The following BAZ2B variants were observed in gnomAD, a reference collection of about 807,000 sequenced individuals.
BAZ2B encodes the protein bromodomain adjacent to zinc finger domain protein 2B.
BAZ2B carries 91 observed loss-of-function variants against 246.0 expected under a neutral mutation model. The ratio of observed to expected loss-of-function variants is 0.37; its 90% confidence interval spans 0.31 to 0.44. BAZ2B has a LOEUF of 0.44. Ranked by LOEUF, BAZ2B falls within the 20% of genes least tolerant of loss-of-function variation. The pLI is 1.00. For synonymous variants in BAZ2B, 855 were observed against 860.0 expected, an observed-to-expected ratio of 0.99 and a Z score of 0.10; for missense variants, 2,332 against 2,533.7, an observed-to-expected ratio of 0.92 and a Z score of 1.71.
chr2:159,696,379 T>G, the BAZ2B span, among the ~76,000 whole-genome samples: 1 of 152,162 alleles, frequency 6.6e-6, no homozygotes, highest in African/African-American at 2.4e-5. Context: ...GGATCCTAAA[T>G]TTTTCCCTTC....
chr2:159,517,586 C>T (rs554907847), intron 2 of BAZ2B, among the ~76,000 whole-genome samples: 2 of 151,860 alleles, frequency 1.3e-5, no homozygotes, highest in Admixed American at 6.5e-5. Flanking sequence ...CTTAAGAGCC[C>T]GTTACAACAA....
At chr2:159,461,197 C>G (rs1379947410) in intron 3 of BAZ2B, 1 of 152,014 alleles carries the variant, frequency 6.6e-6, no homozygotes, top group Non-Finnish European at 1.5e-5. Context: ...TTTAAACTGA[C>G]CTTCCCTTAA....
rs1185468607 is a variant in BAZ2B at position 159,318,989 on chromosome 2, A to G, written c.*1276T>C. On this transcript the variant is annotated 3_prime_UTR_variant, in exon 37 of 37. Transcript: ENST00000392783. ...AGAAAAACTAAAAAATTAGTTTGTA[A>G]AAGTCTTTTATTGTATCCGTGCCAC... 2 of 152,646 alleles carry G rather than the reference A, an allele frequency of 1.3e-5. No individual in the cohort carries two copies. Among genetic ancestry groups the G allele is most frequent in the East Asian group, 3.8e-4 (2 of 5,202 alleles). 9.5% of individuals were successfully genotyped at this position (152,646 alleles called of 1,614,324 possible).
chr2:159,569,140 T>C lies in BAZ2B; in HGVS notation c.-45-13275A>G, dbSNP rs897240459. ...TTATAAATGAAACATAAGCATTACATATTTACACTACTCAGCGATGTTCTC... is the reference window on the plus strand; with the variant it reads ...TTATAAATGAAACATAAGCATTACACATTTACACTACTCAGCGATGTTCTC... On this transcript the variant is annotated intron_variant, in intron 1 of 36. Coordinates refer to ENST00000392783, the MANE Select transcript of BAZ2B (RefSeq NM_013450.4). Among the ~76,000 whole-genome samples, 5 of 152,188 alleles carry C rather than the reference T, an allele frequency of 3.3e-5. No individual in the cohort carries two copies. In the South Asian group the frequency reaches 1.0e-3, roughly 31 times the overall value.
At chr2:159,442,702 G>A (rs1013246979) in intron 6 of BAZ2B, among the ~76,000 whole-genome samples, 3 of 151,904 alleles carry the variant, frequency 2.0e-5, no homozygotes, top group Admixed American at 6.6e-5. Context: ...ATTCTACTTC[G>A]GTCTATAATT....
In BAZ2B at chr2:159,443,502, T is replaced by C. The variant is rs181116645; in HGVS notation, c.696+3280A>G. Among the ~76,000 whole-genome samples, 151 of 152,176 alleles carry C rather than the reference T, an allele frequency of 9.9e-4. 3 individuals carry two copies. The highest frequency in any genetic ancestry group is 9.8e-3 in the Admixed American group (150 of 15,288). On this transcript the variant is annotated intron_variant, in intron 6 of 36. Transcript: ENST00000392783. ...TGAATGAAGCAACTTTTTAAAAAAG[T>C]TTTGAAAACTGAAGAAATACTGGGT... is the stretch of plus-strand genomic sequence containing the variant.
intron 2 of BAZ2B, among the ~76,000 whole-genome samples, chr2:159,489,666 G>C (rs1200394742): frequency 6.6e-6 from 1 of 152,118 alleles, no homozygotes; most frequent in Non-Finnish European, 1.5e-5. Context: ...CACTTTGGGA[G>C]GTCTGGTGGG....
At chr2:159,534,493 A>G (rs896395382) in intron 2 of BAZ2B, among the ~76,000 whole-genome samples, 7 of 152,248 alleles carry the variant, frequency 4.6e-5, no homozygotes, top group African/African-American at 1.7e-4. Flanking sequence ...CTAAACATAG[A>G]AAAGAAAAAG....
chr2:159,397,854 ATT>A (rs34725967), intron 18 of BAZ2B, among the ~76,000 whole-genome samples: 1 of 151,540 alleles, frequency 6.6e-6, no homozygotes, highest in African/African-American at 2.4e-5. Context: ...AATTAACATC[ATT>A]TTTTTTTCAT....
chr2:159,350,843 G>A (rs963862552), intron 27 of BAZ2B, among the ~76,000 whole-genome samples: 1 of 150,256 alleles, frequency 6.7e-6, no homozygotes, highest in Middle Eastern at 3.5e-3. Context: ...AAAGTGCAGG[G>A]ATAACAGGCA....
rs201639891 is a variant in BAZ2B at position 159,482,138 on chromosome 2, A to AC, written c.-2-3418_-2-3417insG. Among the ~76,000 whole-genome samples, 629 of 151,360 alleles carry AC rather than the reference A, an allele frequency of 4.2e-3. 4 individuals are homozygous for AC. Among genetic ancestry groups the AC allele is most frequent in the Non-Finnish European group, 5.5e-3 (374 of 67,782 alleles). On this transcript the variant is annotated intron_variant, in intron 2 of 36. Transcript: ENST00000392783. Reference sequence around the variant, plus strand: ...AAATAAAAAGTAAAAAAACAAACAAAAAAAAAACCCACAAAGTCTTCCATA... The same window carrying AC: ...AAATAAAAAGTAAAAAAACAAACAAACAAAAAAACCCACAAAGTCTTCCATA...
chr2:159,478,557 T>G lies in BAZ2B; in HGVS notation c.145+18A>C. 2 of 1,572,226 alleles carry G rather than the reference T, an allele frequency of 1.3e-6. No individual in the cohort carries two copies. The highest frequency in any genetic ancestry group is 8.6e-7 in the Non-Finnish European group (1 of 1,163,324). ...AAAAGAATGGCATTCTAAAATTGAG[T>G]TAAAAAAGGGTATTCACCACATGGG... On this transcript the variant is annotated intron_variant, in intron 3 of 36. Coordinates refer to ENST00000392783, the MANE Select transcript of BAZ2B (RefSeq NM_013450.4).
At chr2:159,503,280 T>C (rs1375296558) in intron 2 of BAZ2B, among the ~76,000 whole-genome samples, 3 of 152,182 alleles carry the variant, frequency 2.0e-5, no homozygotes, top group Admixed American at 1.3e-4. Flanking sequence ...TCTCTACTCA[T>C]ACATTAGGTG....
At chr2:159,541,906 C>T (rs1344454525) in intron 2 of BAZ2B, among the ~76,000 whole-genome samples, 1 of 151,784 alleles carries the variant, frequency 6.6e-6, no homozygotes, top group Non-Finnish European at 1.5e-5. Context: ...CAAAAGGAAA[C>T]CCATAGACAA....
At chr2:159,568,586 C>T (rs1002733749) in intron 1 of BAZ2B, among the ~76,000 whole-genome samples, 2 of 151,536 alleles carry the variant, frequency 1.3e-5, no homozygotes, top group African/African-American at 4.8e-5. Flanking sequence ...TATTTTGGAA[C>T]TTTAAAAGTA....
At chr2:159,562,972 T>C (rs2090025438) in intron 1 of BAZ2B, among the ~76,000 whole-genome samples, 1 of 152,086 alleles carries the variant, frequency 6.6e-6, no homozygotes, top group Non-Finnish European at 1.5e-5. Flanking sequence ...AGAACAGACA[T>C]GATGCTATTC....
At chr2:159,698,577 T>C in the BAZ2B span, among the ~76,000 whole-genome samples, 1 of 151,448 alleles carries the variant, frequency 6.6e-6, no homozygotes, top group East Asian at 1.9e-4. Flanking sequence ...TAGTAAGTAC[T>C]ATATATTATA....
Position 159,347,498 on chromosome 2 carries a change from A to C in BAZ2B, c.5442T>G (p.Ser1814Arg). 2.5e-6 allele frequency: 4 copies of C among 1,613,772 alleles called. No homozygotes were observed. Among genetic ancestry groups the C allele is most frequent in the Non-Finnish European group, 3.4e-6 (4 of 1,179,848 alleles). ...AAGTCGATTTTACCTTCACTTGCAA[A>C]CTTGCTGATGCAACTCTCCTTTCTA... ...EDLERRVASA[S>R]LQVKGWMCPE... The change falls in exon 31 of 37, where the codon AGT (serine) becomes AGG (arginine). Residue 1814 changes from serine (S) to arginine (R), a missense_variant. This residue lies in a region of BAZ2B where 676 missense variants were observed against 668.6 expected (regional missense o/e 1.01). Transcript: ENST00000392783.
Position 159,319,189 on chromosome 2 carries a change from A to G in BAZ2B, c.*1076T>C, listed in dbSNP as rs924233927. ...ACACAGTGGTTACAAACGTCTTTTA[A>G]ATTTATTTCTGAGGCAAGGCAAATG... On this transcript the variant is annotated 3_prime_UTR_variant, in exon 37 of 37. Coordinates refer to ENST00000392783, the MANE Select transcript of BAZ2B (RefSeq NM_013450.4). The surrounding 1 kb of genome is among the most constrained non-coding windows in gnomAD (Gnocchi z 4.0). The G allele has an allele frequency of 6.6e-6, 1 of 152,656 alleles. No homozygotes were observed. Among genetic ancestry groups the G allele is most frequent in the African/African-American group, 2.4e-5 (1 of 41,472 alleles). 9.5% of individuals were successfully genotyped at this position (152,656 alleles called of 1,614,324 possible).
Sources: gnomAD v4.1 joint callset for allele counts (sites outside exome capture counted in the v4.1 genomes callset) on GRCh38, gnomAD v4.1.1 for gene constraint, gnomAD v4.1.1 regional missense constraint, Gnocchi (gnomAD v3.1) non-coding constraint, MANE v1.5 for transcripts, NCBI Gene and HGNC (gene_info 2026-07-23, HGNC 2026-07-21) for gene names.